PPCDC: variants seen among roughly 807,000 people sequenced by gnomAD.
PPCDC encodes phosphopantothenoylcysteine decarboxylase.
Under a neutral mutation model 20.7 loss-of-function variants are expected in PPCDC, and 20 were observed. That is an observed-to-expected ratio of 0.97 (90% CI 0.68 to 1.41). The LOEUF is 1.41. PPCDC is among the 40% of genes most tolerant of loss of function. PPCDC has a pLI of 0.00. For synonymous variants in PPCDC, 88 were observed against 100.3 expected (o/e 0.88, Z 0.73); for missense variants, 246 against 263.8 (o/e 0.93, Z 0.47).
At chr15:75,024,432 C>T (rs2065938364) in intron 1 of PPCDC, among the ~76,000 whole-genome samples, 2 of 151,546 alleles carry the variant, frequency 1.3e-5, no homozygotes, top group South Asian at 4.2e-4. Context: ...ACTGCAGCCT[C>T]GACCTCCTGG....
At chr15:75,026,551 G>A (rs1366186315) in intron 1 of PPCDC, among the ~76,000 whole-genome samples, 3 of 152,234 alleles carry the variant, frequency 2.0e-5, no homozygotes, top group East Asian at 3.8e-4. Context: ...CTCAGCCCAC[G>A]TGGGTTGTGC....
chr15:75,043,745 C>A, intron 3 of PPCDC: 1 of 570,316 alleles, frequency 1.8e-6, no homozygotes. Flanking sequence ...CCAGGCAGAG[C>A]TGGGCTTTGG....
chr15:75,043,320 C>A, intron 2 of PPCDC, 121 bp from the exon 3 acceptor site: 1 of 774,852 alleles, frequency 1.3e-6, no homozygotes, highest in Non-Finnish European at 2.1e-6. Context: ...GGGAAGTCCT[C>A]TCTCAAGCCA....
chr15:75,034,631 GC>G (rs1348528944), intron 2 of PPCDC, among the ~76,000 whole-genome samples: 1 of 152,212 alleles, frequency 6.6e-6, no homozygotes, highest in Non-Finnish European at 1.5e-5. Context: ...CAGCTTCTTA[GC>G]TGGCCGCTAG....
chr15:75,029,682 C>T (rs1328588730), intron 2 of PPCDC, among the ~76,000 whole-genome samples: 1 of 152,126 alleles, frequency 6.6e-6, no homozygotes, highest in Non-Finnish European at 1.5e-5. Context: ...CTGGGTGCTG[C>T]ACTTTTAGGG....
intron 2 of PPCDC, among the ~76,000 whole-genome samples, chr15:75,040,915 C>T (rs1036433176): frequency 2.6e-5 from 4 of 152,214 alleles, no homozygotes; most frequent in East Asian, 1.9e-4. Flanking sequence ...CTGCCTGTCT[C>T]GGCCTTCCAA....
rs554695092 is a variant in PPCDC at position 75,035,393 on chromosome 15, T to C, written c.135+6940T>C. On this transcript the variant is annotated intron_variant, in intron 2 of 5. Transcript: ENST00000342932. The stretch of plus-strand genomic sequence containing the variant: ...TGCGAAGTGCCTCTCCACGAGTTCC[T>C]TTGATAATCTGCCCCAGACGTAGCC... Among the ~76,000 whole-genome samples, 10 of 152,294 alleles carry C rather than the reference T, an allele frequency of 6.6e-5. No individual in the cohort carries two copies. The South Asian group carries it at 2.1e-3, about 32-fold the overall frequency.
intron 2 of PPCDC, among the ~76,000 whole-genome samples, chr15:75,035,388 G>A (rs1295522859): frequency 2.0e-5 from 3 of 152,158 alleles, no homozygotes; most frequent in African/African-American, 7.2e-5. Context: ...CTCTCCACGA[G>A]TTCCTTTGAT....
Position 75,049,315 on chromosome 15 carries a change from TAGG to T in PPCDC, c.*85_*87del. 1.5e-6 allele frequency: 2 copies of T among 1,350,432 alleles called. No individual in the cohort carries two copies. Among genetic ancestry groups the T allele is most frequent in the Non-Finnish European group, 2.1e-6 (2 of 953,760 alleles). 83.7% of individuals were successfully genotyped at this position (1,350,432 alleles called of 1,614,324 possible). A position where few individuals can be genotyped will look rare whatever the true frequency, so the allele number is the denominator to read the frequency against. ...TCGGTGAAGATGGATGTTGGCAAAA[TAGG>T]AGGATACCCTCATTTGCTGAATGGG... On this transcript the variant is annotated 3_prime_UTR_variant, in exon 6 of 6. Transcript: ENST00000342932.
chr15:75,043,097 C>T lies in PPCDC; in HGVS notation c.136-344C>T, dbSNP rs1401451177. ...CCTGCTGTGGCCTCTGCGGCCCTGGCCTTGACTTCCTTTCCTGTCACTTGC... is the reference window on the plus strand; with the variant it reads ...CCTGCTGTGGCCTCTGCGGCCCTGGTCTTGACTTCCTTTCCTGTCACTTGC... On this transcript the variant is annotated intron_variant, in intron 2 of 5. Transcript: ENST00000342932. 2.0e-5 allele frequency among the ~76,000 whole-genome samples: 3 copies of T among 152,368 alleles called. No homozygotes were observed. The East Asian group carries it at 5.8e-4, about 29-fold the overall frequency.
intron 2 of PPCDC, among the ~76,000 whole-genome samples, chr15:75,035,058 C>G (rs1245269021): frequency 6.6e-6 from 1 of 152,046 alleles, no homozygotes; most frequent in African/African-American, 2.4e-5. Context: ...TTCAGTTCTT[C>G]AGTCACAGCA....
At chr15:75,034,864 C>T (rs1282825044) in intron 2 of PPCDC, among the ~76,000 whole-genome samples, 1 of 152,212 alleles carries the variant, frequency 6.6e-6, no homozygotes, top group Non-Finnish European at 1.5e-5. Flanking sequence ...TCTCCAGCCA[C>T]TCAGCTGCTA....
In PPCDC at chr15:75,049,314, A is replaced by C. The variant is rs2066282610; in HGVS notation, c.*79A>C. ...GTCGGTGAAGATGGATGTTGGCAAAATAGGAGGATACCCTCATTTGCTGAA... is the reference window on the plus strand; with the variant it reads ...GTCGGTGAAGATGGATGTTGGCAAACTAGGAGGATACCCTCATTTGCTGAA... On this transcript the variant is annotated 3_prime_UTR_variant, in exon 6 of 6. Coordinates refer to ENST00000342932, the MANE Select transcript of PPCDC (RefSeq NM_021823.5). 5 of 1,351,774 alleles carry C rather than the reference A, an allele frequency of 3.7e-6. No individual in the cohort carries two copies. In the East Asian group the frequency reaches 1.2e-4, roughly 32 times the overall value. The allele number at this position is 1,351,774 out of a possible 1,614,324, so 83.7% of individuals were successfully genotyped here.
chr15:75,026,618 G>A (rs1013192634), intron 1 of PPCDC, among the ~76,000 whole-genome samples: 1 of 152,242 alleles, frequency 6.6e-6, no homozygotes, highest in Non-Finnish European at 1.5e-5. Context: ...GGGCCTGTGA[G>A]TGAAGAGGAG....
intron 4 of PPCDC, among the ~76,000 whole-genome samples, chr15:75,048,115 A>C (rs1287563293): frequency 6.6e-6 from 1 of 152,180 alleles, no homozygotes; most frequent in African/African-American, 2.4e-5. Context: ...GGTTTTGGTA[A>C]CGGCAGATGT....
chr15:75,030,379 A>G (rs901088744), intron 2 of PPCDC, among the ~76,000 whole-genome samples: 8 of 152,106 alleles, frequency 5.3e-5, no homozygotes, highest in African/African-American at 7.2e-5. Context: ...CCCCTTGTTC[A>G]TGTCCTTTGG....
chr15:75,025,571 A>C (rs1287042793), intron 1 of PPCDC, among the ~76,000 whole-genome samples: 5 of 152,088 alleles, frequency 3.3e-5, no homozygotes, highest in African/African-American at 1.2e-4. Flanking sequence ...AGAAGCTGCC[A>C]TTTTTCTGGC....
rs140265882 is a variant in PPCDC at position 75,041,768 on chromosome 15, C to G, written c.136-1673C>G. Among the ~76,000 whole-genome samples, 12 of 152,340 alleles carry G rather than the reference C, an allele frequency of 7.9e-5. No homozygotes were observed. In the East Asian group the frequency reaches 2.3e-3, roughly 29 times the overall value. On this transcript the variant is annotated intron_variant, in intron 2 of 5. Coordinates refer to ENST00000342932, the MANE Select transcript of PPCDC (RefSeq NM_021823.5). ...TCAGAACGCCAGACTTTCTGAAGTT[C>G]TTCCTCAGTCTTCTTCTCTGAGACT...
intron 2 of PPCDC, among the ~76,000 whole-genome samples, chr15:75,037,550 C>T (rs908635430): frequency 3.8e-4 from 58 of 152,140 alleles, no homozygotes; most frequent in African/African-American, 1.3e-3. Context: ...AGTTCGAGAC[C>T]AGCCTGGCCA....
Sources: gnomAD v4.1 joint callset for allele counts (sites outside exome capture counted in the v4.1 genomes callset) on GRCh38, gnomAD v4.1.1 for gene constraint, MANE v1.5 for transcripts, NCBI Gene and HGNC (gene_info 2026-07-23, HGNC 2026-07-21) for gene names.